The following TAF1B variants were observed in gnomAD, a reference collection of about 807,000 sequenced individuals.
TAF1B encodes the protein TATA box-binding protein-associated factor RNA polymerase I subunit B.
In TAF1B, 61 loss-of-function variants were observed where a neutral mutation model predicts 83.9. The ratio of observed to expected loss-of-function variants is 0.73; its 90% CI spans 0.59 to 0.90. The LOEUF is 0.90. Ranked by LOEUF, TAF1B falls within the 40% of genes least tolerant of loss-of-function variation. TAF1B has a pLI of 0.00. For synonymous variants in TAF1B, 221 were observed against 224.6 expected (o/e 0.98, Z 0.14); for missense variants, 625 against 677.0 (o/e 0.92, Z 0.85).
intron 7 of TAF1B, among the ~76,000 whole-genome samples, chr2:9,878,424 C>T (rs1046753680): frequency 6.6e-6 from 1 of 152,038 alleles, no homozygotes; most frequent in East Asian, 1.9e-4. Flanking sequence ...TTGAGAACCA[C>T]TGCCAAACTT....
At chr2:9,871,369 A>G (rs1664164141) in intron 6 of TAF1B, among the ~76,000 whole-genome samples, 1 of 152,038 alleles carries the variant, frequency 6.6e-6, no homozygotes, top group Non-Finnish European at 1.5e-5. Flanking sequence ...GGCGTAAGCT[A>G]CTGTGCCTGG....
rs553591595 is a variant in TAF1B at position 9,904,896 on chromosome 2, T to G, written c.845T>G (p.Val282Gly). The G allele has an allele frequency of 1.6e-5, 25 of 1,610,164 alleles. No individual in the cohort carries two copies. The East Asian group carries it at 4.0e-4, about 26-fold the overall frequency. The change falls in exon 9 of 15, where the codon GTA becomes GGA. Residue 282 changes from valine (V) to glycine (G), a missense_variant. By Grantham distance (109) the Val-to-Gly change is moderately radical (BLOSUM62 -3). Coordinates refer to ENST00000263663, the MANE Select transcript of TAF1B (RefSeq NM_005680.3). ...PDYEDIYKKT[V>G]EVGTFLDLPR... The stretch of plus-strand genomic sequence containing the variant: ...TACGAGGACATCTACAAAAAAACAG[T>G]AGAAGTTGGAACATTTTTAGATTTG...
intron 7 of TAF1B, among the ~76,000 whole-genome samples, chr2:9,877,134 A>G (rs1180664782): frequency 6.6e-6 from 1 of 152,196 alleles, no homozygotes; most frequent in Non-Finnish European, 1.5e-5. Flanking sequence ...GTATGCCCCC[A>G]TTGGGTGATC....
chr2:9,878,323 A>G (rs1664387423), intron 7 of TAF1B, among the ~76,000 whole-genome samples: 1 of 151,210 alleles, frequency 6.6e-6, no homozygotes, highest in Non-Finnish European at 1.5e-5. Flanking sequence ...CAAGCCTCCT[A>G]CCTTGGCCTC....
intron 12 of TAF1B, among the ~76,000 whole-genome samples, chr2:9,918,290 G>A (rs577510883): frequency 6.6e-6 from 1 of 152,178 alleles, no homozygotes; most frequent in Non-Finnish European, 1.5e-5. Flanking sequence ...GAGCAGCAGC[G>A]TCTGCTTGGC....
intron 8 of TAF1B, among the ~76,000 whole-genome samples, chr2:9,888,031 T>A (rs922940419): frequency 2.7e-4 from 41 of 151,922 alleles, no homozygotes; most frequent in African/African-American, 6.8e-4. Flanking sequence ...TAAAAAAAAA[T>A]TTTTTTTAGA....
chr2:9,901,358 TTAA>T (rs34972345), intron 8 of TAF1B, among the ~76,000 whole-genome samples: 42,324 of 151,972 alleles, frequency 0.28, 6,845 homozygotes, highest in Middle Eastern at 0.39. Context: ...ATATGCACAC[TTAA>T]TAATTATTTT....
intron 5 of TAF1B, among the ~76,000 whole-genome samples, chr2:9,860,622 A>T (rs1280461362): frequency 6.6e-6 from 1 of 152,206 alleles, no homozygotes; most frequent in Non-Finnish European, 1.5e-5. Context: ...GATGTTTGGG[A>T]TAAAAGAGGA....
In TAF1B at chr2:9,868,371, G is replaced by C; in HGVS notation, c.495G>C (p.Glu165Asp). 6.2e-7 allele frequency: 1 copy of C among 1,614,132 alleles called. No individual in the cohort carries two copies. The highest frequency in any genetic ancestry group is 8.5e-7 in the Non-Finnish European group (1 of 1,180,006). ...SCPPFLESGAESQSDIHTRKP... is the reference protein window; with the variant it reads ...SCPPFLESGADSQSDIHTRKP... ...CTCCTTTTCTTGAAAGTGGAGCGGA[G>C]TCTCAGTCTGACATCCACACTCGAA... is the stretch of plus-strand genomic sequence containing the variant. The change falls in exon 6 of 15, where the codon GAG becomes GAC. Residue 165 changes from glutamate to aspartate, a missense_variant. By Grantham distance (45) the Glu-to-Asp change is conservative. Transcript: ENST00000263663.
At chr2:9,861,275 A>C (rs911303380) in intron 5 of TAF1B, among the ~76,000 whole-genome samples, 2 of 152,244 alleles carry the variant, frequency 1.3e-5, no homozygotes, top group African/African-American at 4.8e-5. Flanking sequence ...GAACGGGCTT[A>C]ACAAACGGCA....
intron 6 of TAF1B, among the ~76,000 whole-genome samples, chr2:9,871,484 T>A (rs1558242152): frequency 6.6e-6 from 1 of 152,174 alleles, no homozygotes; most frequent in Non-Finnish European, 1.5e-5. Context: ...ACCCTCTCAT[T>A]TTTGTGGAGC....
intron 8 of TAF1B, among the ~76,000 whole-genome samples, chr2:9,885,743 G>C (rs1167321913): frequency 1.3e-4 from 18 of 142,622 alleles, no homozygotes; most frequent in African/African-American, 4.8e-4. Flanking sequence ...TTCTCCCCAC[G>C]CCCCCCCCCA....
chr2:9,919,884 G>A lies in TAF1B; in HGVS notation c.1565+64G>A, dbSNP rs1269582989. 50 of 1,478,610 alleles carry A rather than the reference G, an allele frequency of 3.4e-5. No homozygotes were observed. In the East Asian group the frequency reaches 1.1e-3, roughly 34 times the overall value. The allele number at this position is 1,478,610 out of a possible 1,614,324, so 91.6% of individuals were successfully genotyped here. A position where few individuals can be genotyped will look rare whatever the true frequency, so the allele number is the denominator to read the frequency against. On this transcript the variant is annotated intron_variant, in intron 14 of 14. Coordinates refer to ENST00000263663, the MANE Select transcript of TAF1B (RefSeq NM_005680.3). ...TAGTTGACTGTATAAGAGCCAGATA[G>A]GTTTTTTGTTGGAATTAGAAGCTGG...
rs763535571 is a variant in TAF1B, at chr2:9,849,384, A to C, written c.129A>C (p.Glu43Asp). ...TCTCTTTCCTGCAGAGATATCAGGA[A>C]GTTACAAACACTGATCTTATTCCTA... The part of the protein sequence containing the change: ...SCHNVTERYQ[E>D]VTNTDLIPNT... Residue 43 changes from glutamate (E) to aspartate (D), a missense_variant, in exon 3 of 15, where the codon GAA becomes GAC. Physicochemically the swap from Glu to Asp is conservative, Grantham distance 45. Transcript: ENST00000263663. The C allele has an allele frequency of 2.0e-5, 32 of 1,598,110 alleles. 1 individual carries two copies. The South Asian group carries it at 3.4e-4, about 17-fold the overall frequency.
rs529547576 is a variant in TAF1B, at chr2:9,865,495, C to T, written c.400-2781C>T. On this transcript the variant is annotated intron_variant, in intron 5 of 14. Coordinates refer to ENST00000263663, the MANE Select transcript of TAF1B (RefSeq NM_005680.3). ...GCTCATGGGTAGGAAGAATCAATATCGTGAAAATGGCCATACTGCCCAAGG... is the reference window on the plus strand; with the variant it reads ...GCTCATGGGTAGGAAGAATCAATATTGTGAAAATGGCCATACTGCCCAAGG... Among the ~76,000 whole-genome samples the T allele has an allele frequency of 1.3e-3, 202 of 152,084 alleles. 2 individuals carry two copies. Among genetic ancestry groups the T allele is most frequent in the African/African-American group, 4.7e-3 (194 of 41,544 alleles).
intron 2 of TAF1B, chr2:9,845,811 C>T (rs954699517): frequency 8.3e-5 from 22 of 266,366 alleles, no homozygotes; most frequent in Admixed American, 5.0e-4. Context: ...TGGGAAACTC[C>T]GTCTCTACTA....
intron 8 of TAF1B, among the ~76,000 whole-genome samples, chr2:9,899,417 C>A (rs1301887728): frequency 1.3e-5 from 2 of 152,146 alleles, no homozygotes; most frequent in African/African-American, 4.8e-5. Context: ...ATACTACTTG[C>A]TAATATCCAG....
intron 8 of TAF1B, among the ~76,000 whole-genome samples, chr2:9,885,749 C>A (rs992384637): frequency 6.6e-6 from 1 of 151,036 alleles, no homozygotes; most frequent in Non-Finnish European, 1.5e-5. Flanking sequence ...CCACGCCCCC[C>A]CCCACTTTGT....
Position 9,882,729 on chromosome 2 carries a change from C to G in TAF1B, c.731C>G (p.Pro244Arg). Residue 244 changes from proline to arginine, a missense_variant, in exon 8 of 15, where the codon CCT becomes CGT. By Grantham distance (103) the Pro-to-Arg change is moderately radical. Transcript: ENST00000263663. ...LLRFVEEDHI[P>R]YINAFQHFPE... ...AGGTTTGTTGAAGAGGACCATATTCCTTACATAAATGCTTTTCAGCATTTT... is the reference window on the plus strand; with the variant it reads ...AGGTTTGTTGAAGAGGACCATATTCGTTACATAAATGCTTTTCAGCATTTT... 6.2e-7 allele frequency: 1 copy of G among 1,609,920 alleles called. No individual in the cohort carries two copies. Among genetic ancestry groups the G allele is most frequent in the African/African-American group, 1.3e-5 (1 of 74,900 alleles).
Sources: gnomAD v4.1 joint callset for allele counts (sites outside exome capture counted in the v4.1 genomes callset) on GRCh38, gnomAD v4.1.1 for gene constraint, MANE v1.5 for transcripts, NCBI Gene and HGNC (gene_info 2026-07-23, HGNC 2026-07-21) for gene names.